The following PIAS1 variants were observed in gnomAD, a reference collection of about 807,000 sequenced individuals.
The protein encoded by PIAS1 is protein inhibitor of activated STAT 1.
Under a neutral mutation model 71.3 loss-of-function variants are expected in PIAS1, and 6 were observed. That is an observed-to-expected ratio of 0.08 (90% CI 0.05 to 0.17). The LOEUF is 0.17. PIAS1 is among the 10% of genes least tolerant of loss of function. The pLI is 1.00. For synonymous variants in PIAS1, 303 were observed against 292.9 expected, an observed-to-expected ratio of 1.03 and a Z score of -0.35; for missense variants, 555 against 793.6, an observed-to-expected ratio of 0.70 and a Z score of 3.61.
chr15:68,176,585 A>C lies in PIAS1; in HGVS notation c.1412A>C (p.Glu471Ala). The C allele has an allele frequency of 6.2e-7, 1 of 1,613,266 alleles. No individual in the cohort carries two copies. Among genetic ancestry groups the C allele is most frequent in the Non-Finnish European group, 8.5e-7 (1 of 1,179,510 alleles). ...ACCATAGACAGTTCATCTGATGAAGAGGAAGAAGAGCCATCTGCCAAGAGG... is the reference window on the plus strand; with the variant it reads ...ACCATAGACAGTTCATCTGATGAAGCGGAAGAAGAGCCATCTGCCAAGAGG... The part of the protein sequence containing the change: ...DLTIDSSSDE[E>A]EEEPSAKRTC... Residue 471 changes from glutamate to alanine, a missense_variant, in exon 11 of 14, where the codon GAG (glutamate) becomes GCG (alanine). By Grantham distance (107) the Glu-to-Ala change is moderately radical. Coordinates refer to ENST00000249636, the MANE Select transcript of PIAS1 (RefSeq NM_016166.3).
rs1410641130 is a variant in PIAS1 at position 68,185,231 on chromosome 15, G to GA, written c.1662+1569dup. ...CTTTGCCCAGGCTATTGCTGCAACT[G>GA]AAAAACACCGAGAGGACACTGATGC... On this transcript the variant is annotated intron_variant, in intron 13 of 13. Transcript: ENST00000249636. This position sits in a 1 kb window ranked among gnomAD's most constrained non-coding sequence, Gnocchi z 4.4. 2.6e-5 allele frequency among the ~76,000 whole-genome samples: 4 copies of GA among 152,268 alleles called. No individual in the cohort carries two copies. The East Asian group carries it at 7.7e-4, about 29-fold the overall frequency.
intron 4 of PIAS1, among the ~76,000 whole-genome samples, chr15:68,143,895 A>C (rs991800937): frequency 1.3e-5 from 2 of 152,104 alleles, no homozygotes; most frequent in African/African-American, 2.4e-5. Flanking sequence ...ATTTTTGCTT[A>C]AAGACAGGGT....
intron 2 of PIAS1, among the ~76,000 whole-genome samples, chr15:68,135,461 A>C (rs1451250850): frequency 6.9e-5 from 1 of 14,492 alleles, no homozygotes; most frequent in Non-Finnish European, 2.4e-4. Flanking sequence ...GGCGCCCCCC[A>C]CCCCCCGGAC....
At position 68,190,841 on chromosome 15, in the gene PIAS1, C is replaced by G. The variant is rs893127227; in HGVS notation, c.*3006C>G. 1.3e-5 allele frequency: 2 copies of G among 151,996 alleles called. No individual in the cohort carries two copies. Among genetic ancestry groups the G allele is most frequent in the African/African-American group, 4.8e-5 (2 of 41,410 alleles). 9.4% of individuals were successfully genotyped at this position (151,996 alleles called of 1,614,324 possible). Reference sequence around the variant, plus strand: ...AAAATTGCTTTACTAATTATTTAGACATGATCACAATTCTGTATCTTTACT... The same window carrying G: ...AAAATTGCTTTACTAATTATTTAGAGATGATCACAATTCTGTATCTTTACT... On this transcript the variant is annotated 3_prime_UTR_variant, in exon 14 of 14. Coordinates refer to ENST00000249636, the MANE Select transcript of PIAS1 (RefSeq NM_016166.3). This position sits in a 1 kb window ranked among gnomAD's most constrained non-coding sequence, Gnocchi z 4.7.
At chr15:68,148,808 T>C (rs534846934) in intron 6 of PIAS1, among the ~76,000 whole-genome samples, 15 of 152,286 alleles carry the variant, frequency 9.8e-5, no homozygotes, top group Non-Finnish European at 1.5e-4. Flanking sequence ...GTAAATAGTT[T>C]AAATGGAGGC....
rs118086637 is a variant in PIAS1, at chr15:68,067,967, A to G, written c.24+13617A>G. Among the ~76,000 whole-genome samples the G allele has an allele frequency of 3.4e-3, 511 of 152,354 alleles. 1 individual carries two copies. Among genetic ancestry groups the G allele is most frequent in the Non-Finnish European group, 6.1e-3 (414 of 68,046 alleles). ...TTATTTGTAATGTTGTCTTAAAACC[A>G]TTGCATCTAATATTTTATATCATAG... is the stretch of plus-strand genomic sequence containing the variant. On this transcript the variant is annotated intron_variant, in intron 1 of 13. Coordinates refer to ENST00000249636, the MANE Select transcript of PIAS1 (RefSeq NM_016166.3).
At chr15:68,073,047 G>A (rs1377481296) in intron 1 of PIAS1, among the ~76,000 whole-genome samples, 1 of 152,068 alleles carries the variant, frequency 6.6e-6, no homozygotes, top group African/African-American at 2.4e-5. Context: ...ATGGAGTCTT[G>A]CTCTGTCGCC....
At position 68,173,771 on chromosome 15, in the gene PIAS1, A is replaced by G. The variant is rs2093005758; in HGVS notation, c.1048A>G (p.Thr350Ala). Residue 350 changes from threonine to alanine, a missense_variant, in exon 9 of 14, where the codon ACA (threonine) becomes GCA (alanine). Thr to Ala is a moderately conservative substitution (Grantham distance 58). Transcript: ENST00000249636. The surrounding 1 kb of genome is among the most constrained non-coding windows in gnomAD (Gnocchi z 4.3). ...GCTGACAATTCCGTGTCGGGCCCTT[A>G]CATGTTCTCATCTACAATGTTTTGA... Reference protein sequence around the residue: ...MRLTIPCRALTCSHLQCFDAT... With the variant: ...MRLTIPCRALACSHLQCFDAT... The G allele has an allele frequency of 6.3e-7, 1 of 1,581,472 alleles. No individual in the cohort carries two copies. The highest frequency in any genetic ancestry group is 1.7e-5 in the Admixed American group (1 of 58,398).
intron 2 of PIAS1, among the ~76,000 whole-genome samples, chr15:68,088,200 A>ATATATATATATATATG (rs1487846650): frequency 7.0e-6 from 1 of 143,428 alleles, no homozygotes; most frequent in East Asian, 2.0e-4. Flanking sequence ...ATATATATAT[A>ATATATATATATATATG]TCCCATTTTA....
At chr15:68,110,669 C>A (rs945849086) in intron 2 of PIAS1, among the ~76,000 whole-genome samples, 8 of 151,656 alleles carry the variant, frequency 5.3e-5, no homozygotes, top group African/African-American at 1.9e-4. Flanking sequence ...GGCTGAGGTG[C>A]AAGGATCACT....
At position 68,120,284 on chromosome 15, in the gene PIAS1, T is replaced by C. The variant is rs537602478; in HGVS notation, c.470-21662T>C. ...TCTCATATCTGCCAGTCTGATAATATCAGCCTTTTAATTGGGTTATTTAGA... is the reference window on the plus strand; with the variant it reads ...TCTCATATCTGCCAGTCTGATAATACCAGCCTTTTAATTGGGTTATTTAGA... On this transcript the variant is annotated intron_variant, in intron 2 of 13. Coordinates refer to ENST00000249636, the MANE Select transcript of PIAS1 (RefSeq NM_016166.3). Among the ~76,000 whole-genome samples, 4 of 152,300 alleles carry C rather than the reference T, an allele frequency of 2.6e-5. No homozygotes were observed. In the South Asian group the frequency reaches 6.2e-4, roughly 24 times the overall value.
chr15:68,057,723 ATCTC>A lies in PIAS1; in HGVS notation c.24+3375_24+3378del, dbSNP rs1044715209. ...TAGTTTATTCATGGATTTGATTTGA[ATCTC>A]TATAACTTGCTTTTGTCAAGTGCCA... On this transcript the variant is annotated intron_variant, in intron 1 of 13. Transcript: ENST00000249636. The A allele has an allele frequency of 6.6e-4, 146 of 222,344 alleles. 1 individual carries two copies. The highest frequency in any genetic ancestry group is 2.9e-3 in the African/African-American group (121 of 42,198). The allele number at this position is 222,344 out of a possible 1,614,324, so 13.8% of individuals were successfully genotyped here. A position where few individuals can be genotyped will look rare whatever the true frequency, so the allele number is the denominator to read the frequency against.
intron 2 of PIAS1, among the ~76,000 whole-genome samples, chr15:68,134,308 C>T (rs1398315629): frequency 6.7e-5 from 2 of 29,710 alleles, no homozygotes; most frequent in African/African-American, 1.3e-4. Context: ...CCAGTAGGGG[C>T]GGCCGGGCAG....
intron 1 of PIAS1, among the ~76,000 whole-genome samples, chr15:68,066,815 T>A (rs1202594078): frequency 6.6e-6 from 1 of 152,200 alleles, no homozygotes; most frequent in Admixed American, 6.5e-5. Flanking sequence ...GTATAGTATT[T>A]TGTGTCTAAT....
Position 68,086,201 on chromosome 15 carries a change from T to TCTCGGTGG in PIAS1, c.25-105_25-104insCTCGGTGG. ...AGGATTATAAGTGAGCTGGCCTTTATTTGCTTAAGTAAACCATAAGAAGGG... is the reference window on the plus strand; with the variant it reads ...AGGATTATAAGTGAGCTGGCCTTTATCTCGGTGGTTGCTTAAGTAAACCATAAGAAGGG... On this transcript the variant is annotated intron_variant, in intron 1 of 13. Transcript: ENST00000249636. The surrounding 1 kb of genome is among the most constrained non-coding windows in gnomAD (Gnocchi z 7.2). 5.3e-6 allele frequency: 4 copies of TCTCGGTGG among 759,568 alleles called. No individual in the cohort carries two copies. The South Asian group carries it at 6.1e-5, about 12-fold the overall frequency. The allele number at this position is 759,568 out of a possible 1,614,324, so 47.1% of individuals were successfully genotyped here.
intron 8 of PIAS1, among the ~76,000 whole-genome samples, chr15:68,172,059 C>T (rs906437199): frequency 6.6e-6 from 1 of 151,862 alleles, no homozygotes; most frequent in African/African-American, 2.4e-5. Context: ...GCTATCCCTC[C>T]CCCAGCCCCC....
Position 68,137,645 on chromosome 15 carries a change from A to G in PIAS1, c.470-4301A>G, listed in dbSNP as rs562119231. 1.3e-4 allele frequency among the ~76,000 whole-genome samples: 20 copies of G among 152,268 alleles called. 1 individual carries two copies. The South Asian group carries it at 3.9e-3, about 30-fold the overall frequency. ...ATTGAGTTCCAGTTCTGAGTTTTCTACTTACAAATTTGAAGGCTTGACAAG... is the reference window on the plus strand; with the variant it reads ...ATTGAGTTCCAGTTCTGAGTTTTCTGCTTACAAATTTGAAGGCTTGACAAG... On this transcript the variant is annotated intron_variant, in intron 2 of 13. Coordinates refer to ENST00000249636, the MANE Select transcript of PIAS1 (RefSeq NM_016166.3).
At chr15:68,119,638 T>C (rs1010798089) in intron 2 of PIAS1, among the ~76,000 whole-genome samples, 2 of 152,316 alleles carry the variant, frequency 1.3e-5, no homozygotes, top group East Asian at 3.9e-4. Flanking sequence ...AAAATACACA[T>C]TCTGCTGTTG....
chr15:68,088,724 A>G (rs1052342256), intron 2 of PIAS1, among the ~76,000 whole-genome samples: 2 of 152,166 alleles, frequency 1.3e-5, no homozygotes, highest in African/African-American at 4.8e-5. Flanking sequence ...ATTTTATGTA[A>G]TTAGTCTTCA....
Sources: gnomAD v4.1 joint callset for allele counts (sites outside exome capture counted in the v4.1 genomes callset) on GRCh38, gnomAD v4.1.1 for gene constraint, Gnocchi (gnomAD v3.1) non-coding constraint, MANE v1.5 for transcripts, NCBI Gene and HGNC (gene_info 2026-07-23, HGNC 2026-07-21) for gene names.